Variants in SLC13A3 observed in about 807,000 individuals in gnomAD.
SLC13A3 encodes solute carrier family 13 member 3.
A neutral mutation model predicts 59.0 loss-of-function variants in SLC13A3; 40 were observed. The ratio of observed to expected loss-of-function variants is 0.68; its 90% CI spans 0.53 to 0.88. The LOEUF is 0.88. SLC13A3 is among the 40% of genes least tolerant of loss of function. SLC13A3 has a pLI of 0.00. For synonymous variants in SLC13A3, 317 were observed against 330.3 expected, an observed-to-expected ratio of 0.96 and a Z score of 0.44; for missense variants, 699 against 783.2, an observed-to-expected ratio of 0.89 and a Z score of 1.28.
At chr20:46,608,795 G>T (rs750701393) in intron 3 of SLC13A3, 3 of 1,420,832 alleles carry the variant, frequency 2.1e-6, no homozygotes, top group East Asian at 2.5e-5. Context: ...CATGGATAAT[G>T]CTTGTTGTGT....
chr20:46,680,429 C>T (rs2063148582), intron 1 of SLC13A3, among the ~76,000 whole-genome samples: 1 of 152,206 alleles, frequency 6.6e-6, no homozygotes, highest in Non-Finnish European at 1.5e-5. Context: ...TATATGGATG[C>T]TTGTGGTGGA....
At chr20:46,577,784 T>G (rs2062093933) in intron 9 of SLC13A3, among the ~76,000 whole-genome samples, 1 of 152,240 alleles carries the variant, frequency 6.6e-6, no homozygotes, top group Non-Finnish European at 1.5e-5. Flanking sequence ...GCACAAGCTT[T>G]GAACTAGACT....
intron 1 of SLC13A3, among the ~76,000 whole-genome samples, chr20:46,649,707 A>G (rs928385726): frequency 4.6e-5 from 7 of 152,244 alleles, no homozygotes; most frequent in African/African-American, 1.7e-4. Context: ...GATTGGTCCA[A>G]GATCTTAAGA....
intron 1 of SLC13A3, among the ~76,000 whole-genome samples, chr20:46,623,022 C>T (rs1173512252): frequency 6.6e-6 from 1 of 152,148 alleles, no homozygotes; most frequent in Non-Finnish European, 1.5e-5. Flanking sequence ...GGTAATTCTA[C>T]CAAACATTGA....
intron 6 of SLC13A3, among the ~76,000 whole-genome samples, chr20:46,589,668 A>C (rs541714003): frequency 1.3e-5 from 2 of 152,356 alleles, no homozygotes; most frequent in South Asian, 4.1e-4. Context: ...TCAATGGAAC[A>C]GAGTTGAGAG....
rs544820934 is a variant in SLC13A3, at chr20:46,626,679, G to T, written c.112-12954C>A. On this transcript the variant is annotated intron_variant, in intron 1 of 12. Coordinates refer to ENST00000279027, the MANE Select transcript of SLC13A3 (RefSeq NM_022829.6). ...TGGAGAATTAGTAAGAAGTGCTGCT[G>T]CCCCTCATCCCCTGACCTTCCCACT... is the stretch of plus-strand genomic sequence containing the variant. Among the ~76,000 whole-genome samples the T allele has an allele frequency of 5.9e-5, 9 of 152,300 alleles. No individual in the cohort carries two copies. The East Asian group carries it at 1.2e-3, about 20-fold the overall frequency.
chr20:46,596,305 G>T lies in SLC13A3; in HGVS notation c.646C>A (p.Leu216Met). The change falls in exon 5 of 13, where the codon CTG (leucine) becomes ATG (methionine). Residue 216 changes from leucine (L) to methionine (M), a missense_variant. Transcript: ENST00000279027. ...TCCTCCTTCCTGGAGTCAGCCGGCAGATCCAGTGGAACCTCTGTCTCCCCA... is the reference window on the plus strand; with the variant it reads ...TCCTCCTTCCTGGAGTCAGCCGGCATATCCAGTGGAACCTCTGTCTCCCCA... ...HPGETEVPLDLPADSRKEDEY... is the reference protein window; with the variant it reads ...HPGETEVPLDMPADSRKEDEY... 1.2e-6 allele frequency: 2 copies of T among 1,614,188 alleles called. No homozygotes were observed. Among genetic ancestry groups the T allele is most frequent in the African/African-American group, 2.7e-5 (2 of 75,040 alleles).
intron 1 of SLC13A3, among the ~76,000 whole-genome samples, chr20:46,680,282 T>C (rs2063147817): frequency 6.6e-6 from 1 of 152,212 alleles, no homozygotes; most frequent in Non-Finnish European, 1.5e-5. Flanking sequence ...GGGGAACAAA[T>C]GGAGCTGTAT....
chr20:46,674,623 G>GTGTGTGTT (rs745763769), upstream of SLC13A3, among the ~76,000 whole-genome samples: 3 of 151,702 alleles, frequency 2.0e-5, no homozygotes, highest in African/African-American at 4.8e-5. Context: ...GTGTGTGTGT[G>GTGTGTGTT]TGTGTGTGTG....
intron 1 of SLC13A3, among the ~76,000 whole-genome samples, chr20:46,620,895 G>A (rs2062607367): frequency 6.6e-6 from 1 of 151,976 alleles, no homozygotes; most frequent in African/African-American, 2.4e-5. Context: ...TTAAACAAAT[G>A]GGATCAAGAT....
Position 46,578,087 on chromosome 20 carries a change from C to T in SLC13A3, c.1220-2402G>A, listed in dbSNP as rs1262177818. Among the ~76,000 whole-genome samples the T allele has an allele frequency of 2.6e-5, 4 of 151,726 alleles. 1 individual carries two copies. The highest frequency in any genetic ancestry group is 4.2e-4 in the South Asian group (2 of 4,802). On this transcript the variant is annotated intron_variant, in intron 9 of 12. Coordinates refer to ENST00000279027, the MANE Select transcript of SLC13A3 (RefSeq NM_022829.6). ...TGCGATCTCGGCTCACTGCAAACTC[C>T]GCCTAATTTTGTGTATTTTTTTTTA...
intron 1 of SLC13A3, among the ~76,000 whole-genome samples, chr20:46,643,704 T>C (rs1462320445): frequency 6.6e-6 from 1 of 152,206 alleles, no homozygotes; most frequent in East Asian, 1.9e-4. Flanking sequence ...TCACCTGTCA[T>C]CTAGAAGTTA....
intron 1 of SLC13A3, among the ~76,000 whole-genome samples, chr20:46,625,746 T>C (rs777207254): frequency 1.3e-5 from 2 of 152,238 alleles, no homozygotes; most frequent in African/African-American, 2.4e-5. Flanking sequence ...TAATTTTAAT[T>C]TTACCAACAA....
In SLC13A3 at chr20:46,589,645, T is replaced by A. The variant is rs150522969; in HGVS notation, c.921-390A>T. 1.2e-4 allele frequency among the ~76,000 whole-genome samples: 19 copies of A among 152,282 alleles called. No homozygotes were observed. In the East Asian group the frequency reaches 2.5e-3, roughly 20 times the overall value. On this transcript the variant is annotated intron_variant, in intron 6 of 12. Transcript: ENST00000279027. ...AAGATGGGCTATTCAGTAAATGGTATCAGACATATAGATCAATGGAACAGA... is the reference window on the plus strand; with the variant it reads ...AAGATGGGCTATTCAGTAAATGGTAACAGACATATAGATCAATGGAACAGA...
chr20:46,634,276 T>G (rs967399621), intron 1 of SLC13A3, among the ~76,000 whole-genome samples: 10 of 152,286 alleles, frequency 6.6e-5, no homozygotes, highest in African/African-American at 2.4e-4. Flanking sequence ...GAACTGATTT[T>G]CGTGTGCCCA....
At chr20:46,575,051 G>A (rs1471916300) in intron 10 of SLC13A3, among the ~76,000 whole-genome samples, 1 of 152,018 alleles carries the variant, frequency 6.6e-6, no homozygotes, top group African/African-American at 2.4e-5. Flanking sequence ...TGAGGTGAGA[G>A]AATTGATTAA....
upstream of SLC13A3, among the ~76,000 whole-genome samples, chr20:46,674,930 C>T (rs2063115670): frequency 1.3e-5 from 2 of 151,880 alleles, no homozygotes; most frequent in Admixed American, 1.3e-4. Context: ...GCTGGGCAGT[C>T]GATGGGGCTG....
chr20:46,566,161 G>T, intron 11 of SLC13A3, 68 bp downstream of exon 11: 1 of 1,370,866 alleles, frequency 7.3e-7, no homozygotes, highest in Non-Finnish European at 1.0e-6. Flanking sequence ...AAGGTCCCTT[G>T]GCGGGGGAAG....
chr20:46,651,511 G>A (rs966584411), upstream of SLC13A3: 1 of 1,343,044 alleles, frequency 7.4e-7, no homozygotes, highest in Non-Finnish European at 9.5e-7. Context: ...GTCGGGGAGG[G>A]GACTGCGCTG....
Sources: allele counts gnomAD v4.1 joint callset (sites outside exome capture counted in the v4.1 genomes callset), GRCh38; gene constraint gnomAD v4.1.1; transcripts MANE v1.5; gene names NCBI Gene and HGNC (gene_info 2026-07-23, HGNC 2026-07-21).